The following HEBP2 variants were observed in gnomAD, a reference collection of about 807,000 sequenced individuals.
The protein encoded by HEBP2 is heme-binding protein 2.
A neutral mutation model predicts 23.1 loss-of-function variants in HEBP2; 27 were observed. That is an observed-to-expected ratio of 1.17 (90% CI 0.86 to 1.61). HEBP2 has a LOEUF of 1.61. Among genes scored for constraint, HEBP2 ranks in the 40% most tolerant of loss-of-function variants. HEBP2 has a pLI of 0.00. For synonymous variants in HEBP2, 99 were observed against 95.1 expected (o/e 1.04, Z -0.24); for missense variants, 245 against 253.8 (o/e 0.97, Z 0.24).
rs368095832 is a variant in HEBP2, at chr6:138,406,001, C to G, written c.269C>G (p.Thr90Arg). 2 of 1,613,246 alleles carry G rather than the reference C, an allele frequency of 1.2e-6. No individual in the cohort carries two copies. The highest frequency in any genetic ancestry group is 1.7e-6 in the Non-Finnish European group (2 of 1,179,760). Residue 90 changes from threonine to arginine, a missense_variant, in exon 3 of 4, where the codon ACA becomes AGA. Physicochemically the swap from Thr to Arg is moderately conservative, Grantham distance 71. Transcript: ENST00000607197. ...EMKIKMTAPV[T>R]SYVEPGSGPF... ...AAAATAAAGATGACAGCTCCAGTGACAAGCTACGTGGAGCCTGGTTCAGGT... is the reference window on the plus strand; with the variant it reads ...AAAATAAAGATGACAGCTCCAGTGAGAAGCTACGTGGAGCCTGGTTCAGGT...
Position 138,413,949 on chromosome 6 carries a change from G to A in HEBP2, c.*871G>A, listed in dbSNP as rs549085183. 2.0e-5 allele frequency: 3 copies of A among 152,426 alleles called. No homozygotes were observed. Among genetic ancestry groups the A allele is most frequent in the African/African-American group, 7.2e-5 (3 of 41,600 alleles). 9.4% of individuals were successfully genotyped at this position (152,426 alleles called of 1,614,324 possible). On this transcript the variant is annotated 3_prime_UTR_variant, in exon 4 of 4. Coordinates refer to ENST00000607197, the MANE Select transcript of HEBP2 (RefSeq NM_014320.3). ...TCATGGAGTTTACATTCTAGAGGGT[G>A]AGGGAGTTCAACACAAATAAGATGC...
In HEBP2 at chr6:138,414,936, T is replaced by C. The variant is rs1029011059; in HGVS notation, c.*1858T>C. On this transcript the variant is annotated 3_prime_UTR_variant, in exon 4 of 4. Coordinates refer to ENST00000607197, the MANE Select transcript of HEBP2 (RefSeq NM_014320.3). The stretch of plus-strand genomic sequence containing the variant: ...CCAAGCGTGGTGGCACACGCCTGTA[T>C]TCCTAGCTCCTGAGGTGAAAGGATT... 1 of 152,194 alleles carries C rather than the reference T, an allele frequency of 6.6e-6. No individual in the cohort carries two copies. Among genetic ancestry groups the C allele is most frequent in the East Asian group, 1.9e-4 (1 of 5,190 alleles). The allele number at this position is 152,194 out of a possible 1,614,324, so 9.4% of individuals were successfully genotyped here.
At chr6:138,404,691 A>G in intron 1 of HEBP2, 94 bp downstream of exon 1, 1 of 794,688 alleles carries the variant, frequency 1.3e-6, no homozygotes, top group Non-Finnish European at 1.7e-6. Flanking sequence ...TAAAAAGTAC[A>G]GTTTTTTAAA....
intron 3 of HEBP2, among the ~76,000 whole-genome samples, chr6:138,411,654 C>T (rs1774747199): frequency 6.6e-6 from 1 of 152,184 alleles, no homozygotes; most frequent in Admixed American, 6.5e-5. Flanking sequence ...TGATCCTGTC[C>T]CTGTTTAAAA....
intron 3 of HEBP2, 87 bp from the exon 4 acceptor site, chr6:138,412,793 C>A: frequency 8.8e-7 from 1 of 1,133,058 alleles, no homozygotes; most frequent in Non-Finnish European, 1.3e-6. Context: ...ACTCAGCATT[C>A]ACGGTACTAG....
At position 138,414,719 on chromosome 6, in the gene HEBP2, T is replaced by G. The variant is rs1052599949; in HGVS notation, c.*1641T>G. 3 of 152,288 alleles carry G rather than the reference T, an allele frequency of 2.0e-5. No individual in the cohort carries two copies. Among genetic ancestry groups the G allele is most frequent in the Non-Finnish European group, 2.9e-5 (2 of 68,102 alleles). 9.4% of individuals were successfully genotyped at this position (152,288 alleles called of 1,614,324 possible). A position where few individuals can be genotyped will look rare whatever the true frequency, so the allele number is the denominator to read the frequency against. ...CAGTGGTAGCTGACAGCATGCTTTT[T>G]TCTGGCAATTCCCAGCCAATAACTG... On this transcript the variant is annotated 3_prime_UTR_variant, in exon 4 of 4. Transcript: ENST00000607197.
intron 2 of HEBP2, 100 bp from the exon 3 acceptor site, chr6:138,405,871 C>T (rs2114764070): frequency 1.0e-6 from 1 of 953,212 alleles, no homozygotes; most frequent in Non-Finnish European, 1.6e-6. Flanking sequence ...AATATGTCAA[C>T]AATGTGAAGT....
chr6:138,413,001 A>G lies in HEBP2; in HGVS notation c.541A>G (p.Ser181Gly), dbSNP rs999544529. Residue 181 changes from serine to glycine, a missense_variant, in exon 4 of 4, where the codon AGT (serine) becomes GGT (glycine). Transcript: ENST00000607197. ...GGTTTACTACACTGCAGGCTACAACAGTCCTGTCAAATTGCTTAATAGAAA... is the reference window on the plus strand; with the variant it reads ...GGTTTACTACACTGCAGGCTACAACGGTCCTGTCAAATTGCTTAATAGAAA... The part of the protein sequence containing the change: ...EKVYYTAGYN[S>G]PVKLLNRNNE... 2.3e-5 allele frequency: 37 copies of G among 1,613,996 alleles called. No homozygotes were observed. Among genetic ancestry groups the G allele is most frequent in the Non-Finnish European group, 3.1e-5 (37 of 1,179,986 alleles).
chr6:138,404,632 C>T (rs1562238375), intron 1 of HEBP2, 35 bp downstream of exon 1: 1 of 1,231,594 alleles, frequency 8.1e-7, no homozygotes, highest in East Asian at 3.2e-5. Context: ...GGGCTGGGCC[C>T]GCCTTCCGGC....
chr6:138,421,703 G>C lies in HEBP2; in HGVS notation c.*8625G>C, dbSNP rs760317955. ...GTGCCATGTTTCAGGGATGAGTCTCGATTCTTCTCTCCCTGTATTTCATCC... is the reference window on the plus strand; with the variant it reads ...GTGCCATGTTTCAGGGATGAGTCTCCATTCTTCTCTCCCTGTATTTCATCC... On this transcript the variant is annotated 3_prime_UTR_variant, in exon 4 of 4. Coordinates refer to ENST00000607197, the MANE Select transcript of HEBP2 (RefSeq NM_014320.3). 1 of 152,114 alleles carries C rather than the reference G, an allele frequency of 6.6e-6. No individual in the cohort carries two copies. Among genetic ancestry groups the C allele is most frequent in the African/African-American group, 2.4e-5 (1 of 41,414 alleles). 9.4% of individuals were successfully genotyped at this position (152,114 alleles called of 1,614,324 possible).
chr6:138,407,376 G>T (rs1040638077), intron 3 of HEBP2, among the ~76,000 whole-genome samples: 17 of 152,236 alleles, frequency 1.1e-4, no homozygotes, highest in African/African-American at 4.1e-4. Context: ...TGGGTAACAG[G>T]TTCCAAGTAA....
In HEBP2 at chr6:138,406,123, G is replaced by A. The variant is rs1774640972; in HGVS notation, c.391G>A (p.Asp131Asn). 1 of 1,613,910 alleles carries A rather than the reference G, an allele frequency of 6.2e-7. No homozygotes were observed. Among genetic ancestry groups the A allele is most frequent in the South Asian group, 1.1e-5 (1 of 91,042 alleles). The stretch of plus-strand genomic sequence containing the variant: ...TTTAGAGTCAGATGTCTTCATTGAA[G>A]ATAGAGCCGAAATGACTGTGTTTGT... ...RPLESDVFIE[D>N]RAEMTVFVRS... is the part of the protein sequence containing the mutation. The change falls in exon 3 of 4, where the codon GAT becomes AAT. Residue 131 changes from aspartate (D) to asparagine (N), a missense_variant. Asp to Asn is a conservative substitution (Grantham distance 23). Transcript: ENST00000607197.
Position 138,420,005 on chromosome 6 carries a change from G to A in HEBP2, c.*6927G>A, listed in dbSNP as rs923235861. 1 of 152,312 alleles carries A rather than the reference G, an allele frequency of 6.6e-6. No homozygotes were observed. Among genetic ancestry groups the A allele is most frequent in the Admixed American group, 6.5e-5 (1 of 15,280 alleles). The allele number at this position is 152,312 out of a possible 1,614,324, so 9.4% of individuals were successfully genotyped here. ...GACCCTGAACTGCAGGAGGAGGCAAGCCTGCTGTCAGAGGATAGTGGCGAG... is the reference window on the plus strand; with the variant it reads ...GACCCTGAACTGCAGGAGGAGGCAAACCTGCTGTCAGAGGATAGTGGCGAG... On this transcript the variant is annotated 3_prime_UTR_variant, in exon 4 of 4. Transcript: ENST00000607197.
Position 138,413,348 on chromosome 6 carries a change from C to T in HEBP2, c.*270C>T, listed in dbSNP as rs1289673090. 1 of 338,396 alleles carries T rather than the reference C, an allele frequency of 3.0e-6. No individual in the cohort carries two copies. The highest frequency in any genetic ancestry group is 5.4e-6 in the Non-Finnish European group (1 of 184,186). 21.0% of individuals were successfully genotyped at this position (338,396 alleles called of 1,614,324 possible). A position where few individuals can be genotyped will look rare whatever the true frequency, so the allele number is the denominator to read the frequency against. ...TAGGGAAATTTCATGTCACTTCCCTCCTTCACTGCATCACAATCATATTCC... is the reference window on the plus strand; with the variant it reads ...TAGGGAAATTTCATGTCACTTCCCTTCTTCACTGCATCACAATCATATTCC... On this transcript the variant is annotated 3_prime_UTR_variant, in exon 4 of 4. Coordinates refer to ENST00000607197, the MANE Select transcript of HEBP2 (RefSeq NM_014320.3).
In HEBP2 at chr6:138,416,094, C is replaced by G. The variant is rs769151479; in HGVS notation, c.*3016C>G. On this transcript the variant is annotated 3_prime_UTR_variant, in exon 4 of 4. Transcript: ENST00000607197. ...CCAGAGGAGCCACCTAACCTGGCAG[C>G]ATGTACTGCAGGGGCCAGGGGCGTA... 1 of 152,320 alleles carries G rather than the reference C, an allele frequency of 6.6e-6. No individual in the cohort carries two copies. Among genetic ancestry groups the G allele is most frequent in the Non-Finnish European group, 1.5e-5 (1 of 68,156 alleles). 9.4% of individuals were successfully genotyped at this position (152,320 alleles called of 1,614,324 possible). A position where few individuals can be genotyped will look rare whatever the true frequency, so the allele number is the denominator to read the frequency against.
At position 138,412,983 on chromosome 6, in the gene HEBP2, TAC is replaced by T. The variant is rs778886211; in HGVS notation, c.526_527del (p.Thr176CysfsTer11). The T allele has an allele frequency of 6.2e-7, 1 of 1,614,050 alleles. No homozygotes were observed. Among genetic ancestry groups the T allele is most frequent in the Admixed American group, 1.7e-5 (1 of 60,026 alleles). ...DGKVFDEKVY[Y>X]TAGYNSPVKL... ...AAAAGTTTTCGATGAGAAGGTTTAC[TAC>T]ACTGCAGGCTACAACAGTCCTGTCA... On this transcript the variant is annotated frameshift_variant, in exon 4 of 4. Coordinates refer to ENST00000607197, the MANE Select transcript of HEBP2 (RefSeq NM_014320.3). LOFTEE classifies it high-confidence loss of function.
chr6:138,409,455 G>A (rs1014516149), intron 3 of HEBP2, among the ~76,000 whole-genome samples: 5 of 152,222 alleles, frequency 3.3e-5, no homozygotes, highest in East Asian at 1.9e-4. Context: ...TGACTTACTC[G>A]GGTCTTCCTC....
At position 138,404,430 on chromosome 6, in the gene HEBP2, G is replaced by A. The variant is rs1357866262; in HGVS notation, c.-66G>A. 2 of 1,085,450 alleles carry A rather than the reference G, an allele frequency of 1.8e-6. No homozygotes were observed. The highest frequency in any genetic ancestry group is 7.0e-5 in the East Asian group (2 of 28,532). The allele number at this position is 1,085,450 out of a possible 1,614,324, so 67.2% of individuals were successfully genotyped here. A position where few individuals can be genotyped will look rare whatever the true frequency, so the allele number is the denominator to read the frequency against. On this transcript the variant is annotated 5_prime_UTR_variant, in exon 1 of 4. Coordinates refer to ENST00000607197, the MANE Select transcript of HEBP2 (RefSeq NM_014320.3). ...GCCTCGGCGGGGCGCGCACACGCAG[G>A]CGGGGCGGCCCGGGGTGCGGGGCCT...
At chr6:138,403,976 C>T (rs147323583), upstream of HEBP2, among the ~76,000 whole-genome samples, 494 of 150,020 alleles carry the variant, frequency 3.3e-3, 4 homozygotes, top group Non-Finnish European at 5.7e-3. Flanking sequence ...CCGCGGGGGT[C>T]GGGTCGCCAG....
Sources: allele counts gnomAD v4.1 joint callset (sites outside exome capture counted in the v4.1 genomes callset), GRCh38; gene constraint gnomAD v4.1.1; transcripts MANE v1.5; gene names NCBI Gene and HGNC (gene_info 2026-07-23, HGNC 2026-07-21).